Variants in PDGFD observed in about 807,000 individuals in gnomAD.
PDGFD encodes platelet derived growth factor D.
Under a neutral mutation model 44.7 loss-of-function variants are expected in PDGFD, and 30 were observed. The ratio of observed to expected loss-of-function variants is 0.67; its 90% CI spans 0.50 to 0.91. The LOEUF is 0.91. Ranked by LOEUF, PDGFD falls within the 40% of genes least tolerant of loss-of-function variation. The pLI is 0.00. For synonymous variants in PDGFD, 173 were observed against 168.4 expected, an observed-to-expected ratio of 1.03 and a Z score of -0.21; for missense variants, 445 against 457.8, an observed-to-expected ratio of 0.97 and a Z score of 0.25.
rs552751268 is a variant in PDGFD, at chr11:104,042,901, C to A, written c.125-42646G>T. ...TAATTCACATATTCTGCCTTTCAAA[C>A]TTCTGTCATGTCTAAGGATTCAATT... is the stretch of plus-strand genomic sequence containing the variant. On this transcript the variant is annotated intron_variant, in intron 1 of 6. Transcript: ENST00000393158. Among the ~76,000 whole-genome samples the A allele has an allele frequency of 3.9e-5, 6 of 152,280 alleles. 1 individual carries two copies. The highest frequency in any genetic ancestry group is 3.9e-4 in the Admixed American group (6 of 15,294).
At chr11:104,158,153 A>G (rs954786540) in intron 1 of PDGFD, among the ~76,000 whole-genome samples, 3 of 152,226 alleles carry the variant, frequency 2.0e-5, no homozygotes, top group African/African-American at 4.8e-5. Flanking sequence ...TAAAGCGCAT[A>G]TCACACTCTT....
intron 6 of PDGFD, among the ~76,000 whole-genome samples, chr11:103,925,239 A>G (rs1858288261): frequency 6.6e-6 from 1 of 152,142 alleles, no homozygotes; most frequent in Non-Finnish European, 1.5e-5. Context: ...AGTCTTTGCT[A>G]TTGTGAATAG....
chr11:103,937,330 G>A (rs1328591753), intron 5 of PDGFD, among the ~76,000 whole-genome samples: 1 of 151,834 alleles, frequency 6.6e-6, no homozygotes, highest in Non-Finnish European at 1.5e-5. Context: ...TTTTTCTTTG[G>A]TGAACACACT....
chr11:103,967,680 A>G (rs10502023), intron 3 of PDGFD, among the ~76,000 whole-genome samples: 36,966 of 152,110 alleles, frequency 0.24, 5,449 homozygotes, highest in Admixed American at 0.43. Flanking sequence ...CAATCAAGTC[A>G]TCAACATCTG....
At chr11:104,042,053 T>C (rs983658021) in intron 1 of PDGFD, among the ~76,000 whole-genome samples, 8 of 152,312 alleles carry the variant, frequency 5.3e-5, no homozygotes, top group African/African-American at 1.7e-4. Flanking sequence ...CTAGTTATTC[T>C]TTGAACTTGC....
intron 6 of PDGFD, among the ~76,000 whole-genome samples, chr11:103,921,231 C>A (rs1162865068): frequency 6.6e-6 from 1 of 151,794 alleles, no homozygotes; most frequent in Admixed American, 6.6e-5. Context: ...ATGAGGTTTC[C>A]AAAAAAATAA....
chr11:103,954,989 C>G (rs1332868040), intron 3 of PDGFD, among the ~76,000 whole-genome samples: 2 of 150,402 alleles, frequency 1.3e-5, no homozygotes, highest in Admixed American at 6.6e-5. Context: ...ACGGTGAAAC[C>G]CCGTCTCTAC....
intron 4 of PDGFD, 37 bp downstream of exon 4, chr11:103,947,625 G>A (rs367694429): frequency 1.0e-5 from 16 of 1,557,376 alleles, no homozygotes; most frequent in African/African-American, 4.1e-5. Context: ...TGTTCCATCC[G>A]TTTCTTTTGC....
rs371743652 is a variant in PDGFD at position 103,927,004 on chromosome 11, C to A, written c.895G>T (p.Val299Leu). 1.6e-5 allele frequency: 26 copies of A among 1,614,046 alleles called. No individual in the cohort carries two copies. The highest frequency in any genetic ancestry group is 2.1e-5 in the Non-Finnish European group (25 of 1,180,030). Reference sequence around the variant, plus strand: ...CCACAATTTCCTCCACAGCGCTGCACGAGGAGGCAACGTGGAAAGAAGACC... The same window carrying A: ...CCACAATTTCCTCCACAGCGCTGCAAGAGGAGGCAACGTGGAAAGAAGACC... ...NVVFFPRCLL[V>L]QRCGGNCGCG... The change falls in exon 6 of 7, where the codon GTG becomes TTG. Residue 299 changes from valine (V) to leucine (L), a missense_variant. By Grantham distance (32) the Val-to-Leu change is conservative. Transcript: ENST00000393158.
At chr11:103,995,101 G>C (rs1202605757) in intron 3 of PDGFD, among the ~76,000 whole-genome samples, 1 of 151,862 alleles carries the variant, frequency 6.6e-6, no homozygotes, top group Non-Finnish European at 1.5e-5. Context: ...GGCTGGTCTC[G>C]AGTTCCTGGC....
intron 3 of PDGFD, among the ~76,000 whole-genome samples, chr11:103,958,293 C>T (rs963789701): frequency 3.9e-5 from 6 of 152,124 alleles, no homozygotes; most frequent in Admixed American, 6.5e-5. Context: ...TGAATAATTC[C>T]TCTTTTCTTT....
At chr11:103,924,632 A>G (rs1591078375) in intron 6 of PDGFD, among the ~76,000 whole-genome samples, 1 of 152,170 alleles carries the variant, frequency 6.6e-6, no homozygotes, top group Admixed American at 6.5e-5. Flanking sequence ...CAATTATTAC[A>G]TACTCATTTT....
intron 1 of PDGFD, among the ~76,000 whole-genome samples, chr11:104,146,670 T>C (rs1239731815): frequency 6.6e-6 from 1 of 152,190 alleles, no homozygotes; most frequent in Non-Finnish European, 1.5e-5. Context: ...AGCGTAAGCC[T>C]CATTAGCATC....
chr11:104,001,926 T>C (rs1403603680), intron 1 of PDGFD, among the ~76,000 whole-genome samples: 1 of 152,176 alleles, frequency 6.6e-6, no homozygotes, highest in Non-Finnish European at 1.5e-5. Context: ...ATTTTGCATA[T>C]GGGAATTTAA....
intron 1 of PDGFD, among the ~76,000 whole-genome samples, chr11:104,132,765 A>G (rs1485280297): frequency 6.6e-6 from 1 of 152,134 alleles, no homozygotes; most frequent in Non-Finnish European, 1.5e-5. Context: ...AATGGAGATT[A>G]TGAGTACAAT....
intron 1 of PDGFD, chr11:104,037,668 G>T: frequency 6.2e-7 from 1 of 1,614,172 alleles, no homozygotes; most frequent in Non-Finnish European, 8.5e-7. Flanking sequence ...TGAGGCTGGT[G>T]GACCGACGGT....
At chr11:104,002,782 A>G (rs1591116197) in intron 1 of PDGFD, among the ~76,000 whole-genome samples, 1 of 152,198 alleles carries the variant, frequency 6.6e-6, no homozygotes, top group Non-Finnish European at 1.5e-5. Flanking sequence ...ATTATTTATT[A>G]GTTTCTCTCT....
At chr11:104,035,255 C>T (rs1429814834) in intron 1 of PDGFD, among the ~76,000 whole-genome samples, 4 of 152,164 alleles carry the variant, frequency 2.6e-5, no homozygotes, top group Non-Finnish European at 5.9e-5. Context: ...ATTTTAGAGA[C>T]CCTCTGTGTT....
chr11:104,116,125 G>A (rs928506945), intron 1 of PDGFD, among the ~76,000 whole-genome samples: 3 of 151,898 alleles, frequency 2.0e-5, no homozygotes, highest in African/African-American at 7.3e-5. Context: ...ATCTAGAAGG[G>A]TTTTCCAATG....
Sources: gnomAD v4.1 joint callset for allele counts (sites outside exome capture counted in the v4.1 genomes callset) on GRCh38, gnomAD v4.1.1 for gene constraint, MANE v1.5 for transcripts, NCBI Gene and HGNC (gene_info 2026-07-23, HGNC 2026-07-21) for gene names.